PARD3: variants seen among roughly 807,000 people sequenced by gnomAD.
PARD3 encodes partitioning defective 3 homolog.
A neutral mutation model predicts 155.4 loss-of-function variants in PARD3; 75 were observed. The ratio of observed to expected loss-of-function variants is 0.48; its 90% CI spans 0.40 to 0.58. The LOEUF (loss-of-function observed/expected upper bound fraction) is 0.58, where lower values mean the gene tolerates loss of function less well. Ranked by LOEUF, PARD3 falls within the 20% of genes least tolerant of loss-of-function variation. The pLI, the probability that PARD3 is intolerant of heterozygous loss-of-function variation, is 0.00. For missense variants in PARD3, 1,642 were observed against 1,721.7 expected (o/e 0.95, Z 0.82); for synonymous variants, 576 against 610.5 (o/e 0.94, Z 0.83).
chr10:34,467,459 A>C (rs2078081649), intron 4 of PARD3, among the ~76,000 whole-genome samples: 1 of 152,018 alleles, frequency 6.6e-6, no homozygotes, highest in African/African-American at 2.4e-5. Flanking sequence ...ATGTCATTTA[A>C]AACAACAGGC....
intron 2 of PARD3, among the ~76,000 whole-genome samples, chr10:34,695,039 C>G (rs529779826): frequency 6.9e-6 from 1 of 144,282 alleles, no homozygotes; most frequent in African/African-American, 2.6e-5. Context: ...TCTGACCTCA[C>G]GATGTAACCT....
intron 1 of PARD3, among the ~76,000 whole-genome samples, chr10:34,767,030 C>T (rs1838190511): frequency 6.6e-6 from 1 of 152,162 alleles, no homozygotes; most frequent in Admixed American, 6.5e-5. Flanking sequence ...GCGCCCAGGA[C>T]TCCTGCAGTG....
At chr10:34,323,068 G>T (rs1003689752) in intron 19 of PARD3, among the ~76,000 whole-genome samples, 1 of 152,154 alleles carries the variant, frequency 6.6e-6, no homozygotes, top group Non-Finnish European at 1.5e-5. Context: ...TAGGTAAAAA[G>T]ATAATACAAC....
intron 1 of PARD3, among the ~76,000 whole-genome samples, chr10:34,767,142 A>G (rs1000106814): frequency 6.6e-6 from 1 of 152,180 alleles, no homozygotes; most frequent in Admixed American, 6.6e-5. Flanking sequence ...TTCAGCACCC[A>G]CTATGGGCCC....
intron 1 of PARD3, among the ~76,000 whole-genome samples, chr10:34,806,056 A>G (rs1469652337): frequency 6.9e-6 from 1 of 145,182 alleles, no homozygotes; most frequent in East Asian, 1.9e-4. Flanking sequence ...TTAGAGACAG[A>G]GTCTCGCTGT....
At chr10:34,360,282 A>C (rs764938677) in intron 12 of PARD3, 23 bp from the exon 13 acceptor site, 1 of 1,518,612 alleles carries the variant, frequency 6.6e-7, no homozygotes, top group Non-Finnish European at 9.1e-7. Context: ...AAAATTGCAC[A>C]GCACATTATA....
chr10:34,699,560 G>A (rs1204164657), intron 1 of PARD3, among the ~76,000 whole-genome samples: 1 of 152,116 alleles, frequency 6.6e-6, no homozygotes, highest in African/African-American at 2.4e-5. Flanking sequence ...AAAAGTTAGC[G>A]CATACTTATT....
chr10:34,750,875 G>C (rs1438313075), intron 1 of PARD3, among the ~76,000 whole-genome samples: 3 of 152,088 alleles, frequency 2.0e-5, no homozygotes, highest in Admixed American at 2.0e-4. Context: ...TTTTAGTAGA[G>C]ACGGGGTTTT....
intron 24 of PARD3, 70 bp downstream of exon 24, chr10:34,119,543 C>T (rs1946866338): frequency 3.4e-6 from 5 of 1,453,478 alleles, no homozygotes; most frequent in Admixed American, 2.0e-5. Context: ...TGGGAAGGAG[C>T]GCGTTCCTAA....
At chr10:34,295,051 A>G (rs547333123) in intron 20 of PARD3, among the ~76,000 whole-genome samples, 34 of 152,260 alleles carry the variant, frequency 2.2e-4, no homozygotes, top group African/African-American at 8.2e-4. Flanking sequence ...AAACTCAAAA[A>G]TTAAAAAACA....
At chr10:34,706,136 CAGTTAG>C (rs1286043118) in intron 1 of PARD3, among the ~76,000 whole-genome samples, 1 of 152,146 alleles carries the variant, frequency 6.6e-6, no homozygotes. Flanking sequence ...CAGTAACCAC[CAGTTAG>C]ATCTGCACTG....
intron 1 of PARD3, among the ~76,000 whole-genome samples, chr10:34,761,860 G>A (rs1451955108): frequency 4.6e-5 from 7 of 152,116 alleles, no homozygotes; most frequent in African/African-American, 1.2e-4. Context: ...CATGATAAAC[G>A]AACCAGGGAG....
At chr10:34,166,017 C>A (rs1478673381) in intron 22 of PARD3, among the ~76,000 whole-genome samples, 1 of 152,210 alleles carries the variant, frequency 6.6e-6, no homozygotes, top group Non-Finnish European at 1.5e-5. Flanking sequence ...TATCGCTATT[C>A]TGTTTTTAAA....
At chr10:34,534,523 C>T (rs948937394) in intron 2 of PARD3, among the ~76,000 whole-genome samples, 2 of 152,016 alleles carry the variant, frequency 1.3e-5, no homozygotes, top group Admixed American at 6.6e-5. Context: ...AGTTTCTGTT[C>T]GTCTAATAAA....
intron 22 of PARD3, among the ~76,000 whole-genome samples, chr10:34,215,208 G>A (rs1479199349): frequency 6.6e-6 from 1 of 152,194 alleles, no homozygotes; most frequent in African/African-American, 2.4e-5. Context: ...ATTGAGGACA[G>A]TACCAATCTC....
At chr10:34,499,895 G>A (rs1383959703) in intron 3 of PARD3, among the ~76,000 whole-genome samples, 3 of 152,062 alleles carry the variant, frequency 2.0e-5, no homozygotes, top group Non-Finnish European at 4.4e-5. Context: ...ACACCATCCA[G>A]GACACATTAA....
At chr10:34,448,294 A>G (rs1038028257) in intron 5 of PARD3, among the ~76,000 whole-genome samples, 9 of 151,602 alleles carry the variant, frequency 5.9e-5, no homozygotes, top group Non-Finnish European at 1.3e-4. Context: ...GAAAGACAAA[A>G]TCTGTACGAT....
At chr10:34,142,159 CT>C (rs1424922147) in intron 22 of PARD3, among the ~76,000 whole-genome samples, 2 of 152,046 alleles carry the variant, frequency 1.3e-5, no homozygotes, top group African/African-American at 4.8e-5. Context: ...TCTTGACTCC[CT>C]AGCAGGCAAT....
intron 3 of PARD3, among the ~76,000 whole-genome samples, chr10:34,488,006 T>C (rs140283481): frequency 1.1e-3 from 172 of 152,320 alleles, no homozygotes; most frequent in African/African-American, 3.9e-3. Flanking sequence ...CCCCCATTTC[T>C]TTATTATTAT....
Sources: gnomAD v4.1 joint callset for allele counts (sites outside exome capture counted in the v4.1 genomes callset) on GRCh38, gnomAD v4.1.1 for gene constraint, MANE v1.5 for transcripts, NCBI Gene and HGNC (gene_info 2026-07-23, HGNC 2026-07-21) for gene names.